ABR: variants seen among roughly 807,000 people sequenced by gnomAD.
ABR encodes the protein ABR activator of RhoGEF and GTPase.
A neutral mutation model predicts 107.2 loss-of-function variants in ABR; 35 were observed. That is an observed-to-expected ratio of 0.33 (90% confidence interval 0.25 to 0.43). The LOEUF (loss-of-function observed/expected upper bound fraction) is 0.43, where lower values mean the gene tolerates loss of function less well. Among genes scored for constraint, ABR ranks in the 20% least tolerant of loss-of-function variants. ABR has a pLI of 1.00. For missense variants in ABR, 815 were observed against 1,115.2 expected, an observed-to-expected ratio of 0.73 and a Z score of 3.83; for synonymous variants, 498 against 462.0, an observed-to-expected ratio of 1.08 and a Z score of -1.00.
intron 1 of ABR, among the ~76,000 whole-genome samples, chr17:1,223,577 A>G (rs2043159384): frequency 6.6e-6 from 1 of 152,098 alleles, no homozygotes; most frequent in Non-Finnish European, 1.5e-5. Context: ...TTCTCATGGA[A>G]AATGGAAATA....
At chr17:1,056,891 G>A (rs2033340474) in intron 13 of ABR, 107 bp downstream of exon 13, 1 of 738,890 alleles carries the variant, frequency 1.4e-6, no homozygotes, top group East Asian at 2.7e-5. Flanking sequence ...AGCCGAGCAG[G>A]GATCAGCCAT....
intron 1 of ABR, among the ~76,000 whole-genome samples, chr17:1,171,899 C>T (rs1459469010): frequency 6.6e-6 from 1 of 152,166 alleles, no homozygotes; most frequent in South Asian, 2.1e-4. Flanking sequence ...CACTGCACTC[C>T]AGCCTGGGCA....
chr17:1,212,792 GAC>G (rs923881479), intron 1 of ABR, among the ~76,000 whole-genome samples: 3 of 151,896 alleles, frequency 2.0e-5, no homozygotes, highest in African/African-American at 7.3e-5. Flanking sequence ...GGGAGGCTGA[GAC>G]AGGAGAATCG....
intron 9 of ABR, among the ~76,000 whole-genome samples, chr17:1,069,594 C>G (rs568347879): frequency 6.6e-6 from 1 of 152,154 alleles, no homozygotes; most frequent in East Asian, 1.9e-4. Context: ...ATCGCTTGAA[C>G]CCGGGAGGCA....
chr17:1,029,906 A>ATGTCCCTC (rs2072580443), intron 16 of ABR, among the ~76,000 whole-genome samples: 1 of 144,626 alleles, frequency 6.9e-6, no homozygotes, highest in African/African-American at 2.5e-5. Flanking sequence ...ACTGTGGCAG[A>ATGTCCCTC]CGTCCCTCCG....
rs959283002 is a variant in ABR at position 1,005,614 on chromosome 17, G to C, written c.*466C>G. 4.9e-6 allele frequency: 1 copy of C among 202,428 alleles called. No individual in the cohort carries two copies. The highest frequency in any genetic ancestry group is 9.8e-5 in the South Asian group (1 of 10,218). 12.5% of individuals were successfully genotyped at this position (202,428 alleles called of 1,614,324 possible). On this transcript the variant is annotated 3_prime_UTR_variant, in exon 23 of 23. Coordinates refer to ENST00000302538, the MANE Select transcript of ABR (RefSeq NM_021962.5). ...AAGGAAGAGCGGGTGGAGGAAGACT[G>C]AGGGGAGGCTGCCAGGAGACCGCCA... is the stretch of plus-strand genomic sequence containing the variant.
chr17:1,145,100 G>T (rs962716553), intron 1 of ABR, among the ~76,000 whole-genome samples: 1 of 152,100 alleles, frequency 6.6e-6, no homozygotes, highest in Non-Finnish European at 1.5e-5. Flanking sequence ...AGTTCGTTTG[G>T]GTTATCGGTA....
intron 2 of ABR, among the ~76,000 whole-genome samples, chr17:1,108,264 C>G (rs77131236): frequency 6.6e-6 from 1 of 152,164 alleles, no homozygotes; most frequent in Non-Finnish European, 1.5e-5. Context: ...GGGGCCGCCC[C>G]GCTCCTCAAG....
At chr17:1,223,259 A>G (rs1051631284) in intron 1 of ABR, among the ~76,000 whole-genome samples, 2 of 151,728 alleles carry the variant, frequency 1.3e-5, no homozygotes, top group South Asian at 2.1e-4. Context: ...CAGTAATCTC[A>G]GCTACTCAGA....
rs772223972 is a variant in ABR, at chr17:1,084,839, G to A, written c.532-1212C>T. The stretch of plus-strand genomic sequence containing the variant: ...TGTTTTTGTTTTGAGATGGAGTTTC[G>A]CTCTTGTTGCCCAGGCTGCAGTACA... On this transcript the variant is annotated intron_variant, in intron 4 of 22. Coordinates refer to ENST00000302538, the MANE Select transcript of ABR (RefSeq NM_021962.5). This position sits in a 1 kb window ranked among gnomAD's most constrained non-coding sequence, Gnocchi z 4.2. Among the ~76,000 whole-genome samples, 3 of 152,218 alleles carry A rather than the reference G, an allele frequency of 2.0e-5. No individual in the cohort carries two copies. Among genetic ancestry groups the A allele is most frequent in the Admixed American group, 1.3e-4 (2 of 15,280 alleles).
At chr17:1,035,634 C>T in intron 16 of ABR, among the ~76,000 whole-genome samples, 1 of 23,438 alleles carries the variant, frequency 4.3e-5, no homozygotes, top group East Asian at 6.7e-4. Flanking sequence ...CCCTTCCATC[C>T]CCCACACCTG....
intron 3 of ABR, among the ~76,000 whole-genome samples, chr17:1,098,914 T>A (rs989917879): frequency 9.2e-5 from 14 of 152,276 alleles, no homozygotes; most frequent in Admixed American, 6.5e-4. Flanking sequence ...GCCTCCTGAG[T>A]AGCTGGGATT....
At chr17:1,144,718 C>T (rs2040459083) in intron 1 of ABR, among the ~76,000 whole-genome samples, 1 of 151,790 alleles carries the variant, frequency 6.6e-6, no homozygotes, top group South Asian at 2.1e-4. Context: ...ATGGTGAAGC[C>T]CCGTCTCTAC....
At chr17:1,104,904 T>G (rs1049634006) in intron 2 of ABR, among the ~76,000 whole-genome samples, 2 of 152,206 alleles carry the variant, frequency 1.3e-5, no homozygotes, top group African/African-American at 4.8e-5. Flanking sequence ...CAGGCAATGT[T>G]TTGAAACTTT....
intron 1 of ABR, among the ~76,000 whole-genome samples, chr17:1,134,336 C>T (rs1454396488): frequency 6.6e-6 from 1 of 152,076 alleles, no homozygotes; most frequent in Non-Finnish European, 1.5e-5. Context: ...CACTTGAACC[C>T]AGGAGGCAGA....
At chr17:1,095,617 C>G (rs1287869770) in intron 3 of ABR, among the ~76,000 whole-genome samples, 1 of 152,136 alleles carries the variant, frequency 6.6e-6, no homozygotes, top group Non-Finnish European at 1.5e-5. Flanking sequence ...AAGGGCAGGC[C>G]CCGGCTCTCC....
intron 3 of ABR, among the ~76,000 whole-genome samples, chr17:1,094,103 G>A (rs1323313980): frequency 2.0e-5 from 3 of 152,192 alleles, no homozygotes; most frequent in Non-Finnish European, 2.9e-5. Flanking sequence ...GCCCCTCTGC[G>A]TCCGGTCAGG....
At chr17:1,020,470 G>A (rs890344185) in intron 16 of ABR, among the ~76,000 whole-genome samples, 5 of 152,214 alleles carry the variant, frequency 3.3e-5, no homozygotes, top group Non-Finnish European at 7.3e-5. Context: ...CTGGCGCTGG[G>A]GGCTCATGTC....
At chr17:1,030,289 G>A (rs932442180) in intron 16 of ABR, among the ~76,000 whole-genome samples, 6 of 152,246 alleles carry the variant, frequency 3.9e-5, no homozygotes, top group African/African-American at 7.2e-5. Flanking sequence ...AACTGGAAGC[G>A]CCCTGTTTGG....
Sources: gnomAD v4.1 joint callset for allele counts (sites outside exome capture counted in the v4.1 genomes callset) on GRCh38, gnomAD v4.1.1 for gene constraint, Gnocchi (gnomAD v3.1) non-coding constraint, MANE v1.5 for transcripts, NCBI Gene and HGNC (gene_info 2026-07-23, HGNC 2026-07-21) for gene names.